Variants in SLC35D1 observed in about 807,000 individuals in gnomAD.
SLC35D1 encodes the protein nucleotide sugar transporter SLC35D1.
In SLC35D1, 31 loss-of-function variants were observed where a neutral mutation model predicts 46.7. The ratio of observed to expected loss-of-function variants is 0.66; its 90% CI spans 0.50 to 0.90. The LOEUF (loss-of-function observed/expected upper bound fraction) is 0.90. SLC35D1 is among the 40% of genes least tolerant of loss of function. The pLI, the probability that SLC35D1 is intolerant of heterozygous loss-of-function variation, is 0.00. For missense variants in SLC35D1, 397 were observed against 426.2 expected, an observed-to-expected ratio of 0.93 and a Z score of 0.60; for synonymous variants, 195 against 164.6, an observed-to-expected ratio of 1.18 and a Z score of -1.41.
chr1:66,989,350 T>C, the SLC35D1 span, among the ~76,000 whole-genome samples: 1 of 152,220 alleles, frequency 6.6e-6, no homozygotes, highest in Non-Finnish European at 1.5e-5. Context: ...GGCTGTGTTG[T>C]TCTGCACACT....
the SLC35D1 span, among the ~76,000 whole-genome samples, chr1:66,979,086 C>A: frequency 5.3e-5 from 8 of 151,936 alleles, no homozygotes; most frequent in South Asian, 1.7e-3. Context: ...CAGTTGTAGC[C>A]CCACTGGGTT....
At chr1:66,975,990 T>TTTTG in the SLC35D1 span, among the ~76,000 whole-genome samples, 944 of 151,738 alleles carry the variant, frequency 6.2e-3, 7 homozygotes, top group African/African-American at 0.021. Flanking sequence ...GGCCTTTTTT[T>TTTTG]TGTGTGTGTG....
rs1270830027 is a variant in SLC35D1 at position 67,053,493 on chromosome 1, A to T, written c.203+318T>A. On this transcript the variant is annotated intron_variant, in intron 1 of 11. Transcript: ENST00000235345. ...TGATCGACAGGCATAACGGCTCAAA[A>T]GTCACCAAGCAAATCACTTTGCTCC... 3.9e-5 allele frequency among the ~76,000 whole-genome samples: 6 copies of T among 152,122 alleles called. 1 individual carries two copies. In the South Asian group the frequency reaches 6.2e-4, roughly 16 times the overall value.
At chr1:67,016,071 T>C (rs1667679918) in intron 10 of SLC35D1, among the ~76,000 whole-genome samples, 1 of 152,022 alleles carries the variant, frequency 6.6e-6, no homozygotes, top group South Asian at 2.1e-4. Context: ...TAAAATCAAA[T>C]GGAAATCATT....
At position 67,013,157 on chromosome 1, in the gene SLC35D1, G is replaced by GATATATATATATATATATATATATGT. The variant is rs964691631; in HGVS notation, c.877-3991_877-3990insACATATATATATATATATATATATAT. Among the ~76,000 whole-genome samples, 3 of 29,830 alleles carry GATATATATATATATATATATATATGT rather than the reference G, an allele frequency of 1.0e-4. 1 individual carries two copies. The highest frequency in any genetic ancestry group is 1.8e-4 in the African/African-American group (1 of 5,578). 19.6% of individuals were successfully genotyped at this position (29,830 alleles called of 152,430 possible). A position where few individuals can be genotyped will look rare whatever the true frequency, so the allele number is the denominator to read the frequency against. ...ATAATTTAAGAACATATATCCTGGA[G>GATATATATATATATATATATATATGT]ATATATATATATCCTGTTCTTAAAT... On this transcript the variant is annotated intron_variant, in intron 10 of 11. Coordinates refer to ENST00000235345, the MANE Select transcript of SLC35D1 (RefSeq NM_015139.3).
intron 10 of SLC35D1, among the ~76,000 whole-genome samples, chr1:67,011,972 G>T (rs1409533135): frequency 6.6e-6 from 1 of 152,160 alleles, no homozygotes; most frequent in African/African-American, 2.4e-5. Flanking sequence ...GGTACTGCTT[G>T]AGGTTCTCTT....
rs1667364003 is a variant in SLC35D1 at position 67,002,629 on chromosome 1, A to C, written c.*1711T>G. 6.6e-6 allele frequency: 1 copy of C among 152,368 alleles called. No individual in the cohort carries two copies. Among genetic ancestry groups the C allele is most frequent in the East Asian group, 1.9e-4 (1 of 5,338 alleles). The allele number at this position is 152,368 out of a possible 1,614,324, so 9.4% of individuals were successfully genotyped here. On this transcript the variant is annotated 3_prime_UTR_variant, in exon 12 of 12. Coordinates refer to ENST00000235345, the MANE Select transcript of SLC35D1 (RefSeq NM_015139.3). ...AGCTTGTAACTTGGGAGTTGGTTGC[A>C]GGGATAATTCTAGGGACACAGCACC...
At chr1:66,978,280 T>G in the SLC35D1 span, among the ~76,000 whole-genome samples, 1 of 143,226 alleles carries the variant, frequency 7.0e-6, no homozygotes, top group Non-Finnish European at 1.6e-5. Context: ...TTGATCAAGT[T>G]CATTTATAGG....
At chr1:67,033,134 C>A (rs1668051270) in intron 8 of SLC35D1, among the ~76,000 whole-genome samples, 1 of 152,070 alleles carries the variant, frequency 6.6e-6, no homozygotes, top group Non-Finnish European at 1.5e-5. Flanking sequence ...TTTTCTTTAT[C>A]CATTCATTCG....
At chr1:66,992,122 C>T in the SLC35D1 span, among the ~76,000 whole-genome samples, 1 of 152,176 alleles carries the variant, frequency 6.6e-6, no homozygotes, top group Non-Finnish European at 1.5e-5. Context: ...CTCGAACAAA[C>T]CTATGGCTGG....
the SLC35D1 span, among the ~76,000 whole-genome samples, chr1:66,978,453 G>A: frequency 6.6e-6 from 1 of 151,936 alleles, no homozygotes; most frequent in Non-Finnish European, 1.5e-5. Flanking sequence ...TTGCTAAAGT[G>A]GAATTTCATA....
At chr1:66,986,261 A>C in the SLC35D1 span, 1 of 1,395,578 alleles carries the variant, frequency 7.2e-7, no homozygotes. Context: ...AGATAGGATT[A>C]TCCATCTGCA....
chr1:66,995,507 G>C (rs12040752), downstream of SLC35D1, among the ~76,000 whole-genome samples: 2 of 127,052 alleles, frequency 1.6e-5, no homozygotes, highest in Admixed American at 9.6e-5. Context: ...TGTCTTCATA[G>C]AGCTTGAAGT....
the SLC35D1 span, among the ~76,000 whole-genome samples, chr1:66,978,286 ATAGG>A: frequency 0.21 from 32,574 of 151,548 alleles, 3,841 homozygotes; most frequent in Non-Finnish European, 0.26. Context: ...AAGTTCATTT[ATAGG>A]TAGGTATCTC....
chr1:67,052,001 G>C lies in SLC35D1; in HGVS notation c.392+11C>G. 1.9e-6 allele frequency: 3 copies of C among 1,565,114 alleles called. No homozygotes were observed. The highest frequency in any genetic ancestry group is 2.6e-6 in the Non-Finnish European group (3 of 1,135,728). On this transcript the variant is annotated intron_variant, in intron 4 of 11. Transcript: ENST00000235345. Reference sequence around the variant, plus strand: ...ATATTAACCTCACTAGTAAAATAAAGTTATCCATACTTCAGTTTCTTTGTG... The same window carrying C: ...ATATTAACCTCACTAGTAAAATAAACTTATCCATACTTCAGTTTCTTTGTG...
At chr1:67,023,001 G>C (rs1667843379) in intron 8 of SLC35D1, among the ~76,000 whole-genome samples, 1 of 152,166 alleles carries the variant, frequency 6.6e-6, no homozygotes, top group African/African-American at 2.4e-5. Context: ...TCCTATGTAT[G>C]TATCAGTAAT....
At chr1:67,024,192 C>T (rs902714142) in intron 8 of SLC35D1, among the ~76,000 whole-genome samples, 1 of 152,056 alleles carries the variant, frequency 6.6e-6, no homozygotes, top group African/African-American at 2.4e-5. Context: ...GTGATCCGCC[C>T]GCCTCAGCCT....
intron 11 of SLC35D1, 79 bp downstream of exon 11, chr1:67,009,006 T>C (rs1229824014): frequency 1.7e-5 from 12 of 713,766 alleles, no homozygotes; most frequent in Non-Finnish European, 3.0e-5. Flanking sequence ...GTTCCATTAA[T>C]TTAATAGCCT....
At chr1:66,997,574 TATATAC>T (rs1345103572), downstream of SLC35D1, among the ~76,000 whole-genome samples, 10 of 132,826 alleles carry the variant, frequency 7.5e-5, no homozygotes, top group Non-Finnish European at 1.6e-4. Context: ...TGTGTGTATA[TATATAC>T]ACACACAGAT....
Sources: allele counts gnomAD v4.1 joint callset (sites outside exome capture counted in the v4.1 genomes callset), GRCh38; gene constraint gnomAD v4.1.1; transcripts MANE v1.5; gene names NCBI Gene and HGNC (gene_info 2026-07-23, HGNC 2026-07-21).